USP42: variants seen among roughly 807,000 people sequenced by gnomAD.
USP42 encodes the protein ubiquitin specific peptidase 42, also known as ubiquitin carboxyl-terminal hydrolase 42.
USP42 carries 23 observed loss-of-function variants against 113.0 expected under a neutral mutation model. That is an observed-to-expected ratio of 0.20 (90% CI 0.15 to 0.29). The LOEUF (loss-of-function observed/expected upper bound fraction) is 0.29. Among genes scored for constraint, USP42 ranks in the 10% least tolerant of loss-of-function variants. USP42 has a pLI of 1.00. For missense variants in USP42, 2,174 were observed against 1,779.8 expected (o/e 1.22, Z -3.99); for synonymous variants, 933 against 699.0 (o/e 1.33, Z -5.28).
intron 3 of USP42, among the ~76,000 whole-genome samples, chr7:6,121,842 G>C (rs898150884): frequency 6.6e-6 from 1 of 152,054 alleles, no homozygotes; most frequent in African/African-American, 2.4e-5. Context: ...AATTATTTTT[G>C]TAGAGACGAG....
At position 6,130,762 on chromosome 7, in the gene USP42, CAAG is replaced by C. The variant is rs1583625733; in HGVS notation, c.443-5077_443-5075del. On this transcript the variant is annotated intron_variant, in intron 3 of 17. Coordinates refer to ENST00000306177, the MANE Select transcript of USP42 (RefSeq NM_032172.3). The stretch of plus-strand genomic sequence containing the variant: ...TGAGATGGTTGCTCAGGGGCAGCCA[CAAG>C]AGGAGACACAAGAGAGGCTCAGGAA... Among the ~76,000 whole-genome samples the C allele has an allele frequency of 2.0e-5, 3 of 152,154 alleles. No homozygotes were observed. In the East Asian group the frequency reaches 5.8e-4, roughly 29 times the overall value.
intron 3 of USP42, among the ~76,000 whole-genome samples, chr7:6,129,694 C>G (rs1780740609): frequency 6.6e-6 from 1 of 151,788 alleles, no homozygotes; most frequent in Non-Finnish European, 1.5e-5. Context: ...AACCCTGTCT[C>G]TACTAAAAAT....
rs968940881 is a variant in USP42, at chr7:6,110,364, T to C, written c.-9-761T>C. 3.9e-5 allele frequency among the ~76,000 whole-genome samples: 6 copies of C among 152,318 alleles called. No homozygotes were observed. In the South Asian group the frequency reaches 6.2e-4, roughly 16 times the overall value. On this transcript the variant is annotated intron_variant, in intron 1 of 17. Transcript: ENST00000306177. The stretch of plus-strand genomic sequence containing the variant: ...ACGTTCTTTATAAAAATTAAGTTAA[T>C]GTATGTCCAGCAGTTGATGCAATGC...
chr7:6,156,707 G>A (rs187870327), intron 15 of USP42, 47 bp from the exon 16 acceptor site: 1 of 1,493,450 alleles, frequency 6.7e-7, no homozygotes, highest in African/African-American at 1.4e-5. Context: ...TCTGCTGCTG[G>A]TGGTTTTGTG....
At chr7:6,086,090 C>A in the USP42 span, among the ~76,000 whole-genome samples, 1 of 149,628 alleles carries the variant, frequency 6.7e-6, no homozygotes, top group Non-Finnish European at 1.5e-5. Context: ...GGTTGGTTTG[C>A]AATGCCAAGA....
At chr7:6,106,413 G>T (rs1779280228) in intron 1 of USP42, among the ~76,000 whole-genome samples, 1 of 152,176 alleles carries the variant, frequency 6.6e-6, no homozygotes, top group Non-Finnish European at 1.5e-5. Context: ...CTCCACAAAT[G>T]AAGAAAGAAT....
the USP42 span, among the ~76,000 whole-genome samples, chr7:6,098,092 G>C: frequency 6.8e-6 from 1 of 147,468 alleles, no homozygotes; most frequent in Admixed American, 6.8e-5. Context: ...TTTTAGTAGA[G>C]ACGGGTTTCA....
intron 3 of USP42, among the ~76,000 whole-genome samples, chr7:6,130,425 GACCCTC>G (rs1164430039): frequency 6.6e-6 from 1 of 152,190 alleles, no homozygotes; most frequent in Non-Finnish European, 1.5e-5. Context: ...TCCTGCCTCT[GACCCTC>G]ACCGGGGGCT....
In USP42 at chr7:6,159,295, G is replaced by C. The variant is rs757204219; in HGVS notation, c.3944-155G>C. ...ACCCTGGGAGCAGCCGCTGAGCGCT[G>C]GGACATCCCTGCTCACCTCACTGGG... On this transcript the variant is annotated intron_variant, in intron 16 of 17. Coordinates refer to ENST00000306177, the MANE Select transcript of USP42 (RefSeq NM_032172.3). This position sits in a 1 kb window ranked among gnomAD's most constrained non-coding sequence, Gnocchi z 4.1. Among the ~76,000 whole-genome samples the C allele has an allele frequency of 5.9e-5, 9 of 152,180 alleles. No individual in the cohort carries two copies. Among genetic ancestry groups the C allele is most frequent in the Non-Finnish European group, 1.2e-4 (8 of 68,036 alleles).
the USP42 span, among the ~76,000 whole-genome samples, chr7:6,094,819 TTTTG>T: frequency 6.7e-6 from 1 of 149,818 alleles, no homozygotes; most frequent in African/African-American, 2.5e-5. Context: ...TTTTTTTTTT[TTTTG>T]GTCACCCAGG....
At chr7:6,140,049 C>G in intron 5 of USP42, 79 bp from the exon 6 acceptor site, 1 of 1,256,342 alleles carries the variant, frequency 8.0e-7, no homozygotes, top group Non-Finnish European at 1.2e-6. Context: ...TTGTGAGCTC[C>G]CATGTGTTTG....
chr7:6,100,815 C>T (rs762210725), upstream of USP42, among the ~76,000 whole-genome samples: 47 of 149,732 alleles, frequency 3.1e-4, no homozygotes, highest in Non-Finnish European at 6.2e-4. Flanking sequence ...TATAGGCGCG[C>T]GCTACCACAC....
chr7:6,149,635 C>T lies in USP42; in HGVS notation c.1439C>T (p.Ser480Phe), dbSNP rs1377440255. Residue 480 changes from serine to phenylalanine, a missense_variant, in exon 13 of 18, where the codon TCC (serine) becomes TTC (phenylalanine). Physicochemically the swap from Ser to Phe is radical, Grantham distance 155. Transcript: ENST00000306177. ...CCATTGAAAGACACGCCAAGCAGTT[C>T]CATGTCGAGTCCTAACGGGAATTCC... Reference protein sequence around the residue: ...TGPLKDTPSSSMSSPNGNSSV... With the variant: ...TGPLKDTPSSFMSSPNGNSSV... 6.2e-7 allele frequency: 1 copy of T among 1,613,928 alleles called. No individual in the cohort carries two copies. The highest frequency in any genetic ancestry group is 1.3e-5 in the African/African-American group (1 of 75,012).
At chr7:6,085,807 A>C in the USP42 span, among the ~76,000 whole-genome samples, 1 of 149,722 alleles carries the variant, frequency 6.7e-6, no homozygotes, top group Non-Finnish European at 1.5e-5. Context: ...TAGAGACGGG[A>C]TCTCACCATG....
In USP42 at chr7:6,149,681, T is replaced by C. The variant is rs763547672; in HGVS notation, c.1485T>C (p.Pro495=). The C allele has an allele frequency of 5.0e-6, 8 of 1,613,994 alleles. No individual in the cohort carries two copies. In the East Asian group the frequency reaches 1.8e-4, roughly 36 times the overall value. ...ATTCCAGTGTCAACAGGGCTAGTCC[T>C]GTTAATGCTTCAGCTTCTGTCCAAA... The part of the protein sequence containing the change: ...NGNSSVNRAS[P]VNASASVQNW... Residue 495 remains proline, a synonymous_variant, in exon 13 of 18, where the codon CCT becomes CCC. Transcript: ENST00000306177.
chr7:6,148,674 TG>T (rs1252130048), intron 12 of USP42, among the ~76,000 whole-genome samples: 2 of 152,050 alleles, frequency 1.3e-5, no homozygotes, highest in African/African-American at 4.8e-5. Context: ...GATTCTAGAG[TG>T]GGGGCCTCAT....
At chr7:6,150,360 A>G (rs1781974015) in intron 13 of USP42, 52 bp from the exon 14 acceptor site, 4 of 1,609,990 alleles carry the variant, frequency 2.5e-6, no homozygotes, top group Non-Finnish European at 3.4e-6. Context: ...GCTGGATTTC[A>G]GGAGGCATGG....
intron 15 of USP42, 55 bp from the exon 16 acceptor site, chr7:6,156,698 CT>C: frequency 6.8e-7 from 1 of 1,478,874 alleles, no homozygotes; most frequent in Non-Finnish European, 8.9e-7. Context: ...GCTCCAGGGT[CT>C]GCTGCTGGTG....
intron 15 of USP42, among the ~76,000 whole-genome samples, 182 bp downstream of exon 15, chr7:6,155,377 C>T (rs1410680652): frequency 6.6e-6 from 1 of 152,138 alleles, no homozygotes; most frequent in Non-Finnish European, 1.5e-5. Flanking sequence ...TAAAAATTTG[C>T]CCTGCTTTGA....
Sources: allele counts gnomAD v4.1 joint callset (sites outside exome capture counted in the v4.1 genomes callset), GRCh38; gene constraint gnomAD v4.1.1; non-coding constraint Gnocchi (gnomAD v3.1); transcripts MANE v1.5; gene names NCBI Gene and HGNC (gene_info 2026-07-23, HGNC 2026-07-21).